IL4R: variants seen among roughly 807,000 people sequenced by gnomAD.
The protein encoded by IL4R is interleukin-4 receptor subunit alpha.
A neutral mutation model predicts 41.5 loss-of-function variants in IL4R; 17 were observed. That is an observed-to-expected ratio of 0.41 (90% CI 0.28 to 0.61). The LOEUF is 0.61. Ranked by LOEUF, IL4R falls within the 20% of genes least tolerant of loss-of-function variation. The probability of loss-of-function intolerance (pLI) is 0.31; values close to 1 mark genes in which losing one functional copy is unlikely to be tolerated. For synonymous variants in IL4R, 402 were observed against 422.9 expected (o/e 0.95, Z 0.61); for missense variants, 974 against 1,043.1 (o/e 0.93, Z 0.91).
At position 27,342,116 on chromosome 16, in the gene IL4R, C is replaced by G. The variant is rs1331143806; in HGVS notation, c.71-5C>G. 3.1e-6 allele frequency: 5 copies of G among 1,613,810 alleles called. No individual in the cohort carries two copies. In the East Asian group the frequency reaches 8.9e-5, roughly 29 times the overall value. On this transcript the variant is annotated splice_polypyrimidine_tract_variant and splice_region_variant and intron_variant, in intron 3 of 10. Transcript: ENST00000395762. Reference sequence around the variant, plus strand: ...GCCGCTCAGGCTGCTCCTGTGTCTCCCCAGGGAACATGAAGGTCTTGCAGG... The same window carrying G: ...GCCGCTCAGGCTGCTCCTGTGTCTCGCCAGGGAACATGAAGGTCTTGCAGG...
intron 6 of IL4R, among the ~76,000 whole-genome samples, 191 bp from the exon 7 acceptor site, chr16:27,352,349 C>T (rs969539619): frequency 2.6e-5 from 4 of 152,170 alleles, no homozygotes; most frequent in African/African-American, 4.8e-5. Flanking sequence ...AGTCGAGGAG[C>T]CTGACGCATG....
In IL4R at chr16:27,362,803, G is replaced by T. The variant is rs759668631; in HGVS notation, c.1451G>T (p.Cys484Phe). The change falls in exon 11 of 11, where the codon TGC becomes TTC. Residue 484 changes from cysteine to phenylalanine, a missense_variant. Physicochemically the swap from Cys to Phe is radical, Grantham distance 205. Coordinates refer to ENST00000395762, the MANE Select transcript of IL4R (RefSeq NM_000418.4). The stretch of plus-strand genomic sequence containing the variant: ...ACCCAGAGTCCAGACAACCTGACTT[G>T]CACAGAGACGCCCCTCGTCATCGCA... ...SPTQSPDNLT[C>F]TETPLVIAGN... 6.2e-6 allele frequency: 10 copies of T among 1,614,038 alleles called. No homozygotes were observed. The African/African-American group carries it at 1.2e-4, about 19-fold the overall frequency.
chr16:27,342,292 G>C, intron 4 of IL4R, 33 bp downstream of exon 4: 2 of 1,613,384 alleles, frequency 1.2e-6, no homozygotes, highest in Non-Finnish European at 1.7e-6. Flanking sequence ...GGTTTGGGGA[G>C]GTTGTGCCCA....
chr16:27,357,566 C>T (rs1048582424), intron 8 of IL4R, among the ~76,000 whole-genome samples: 7 of 152,098 alleles, frequency 4.6e-5, no homozygotes, highest in Admixed American at 4.6e-4. Context: ...CGGGTTCAAG[C>T]GATTCTCCTG....
At chr16:27,326,997 C>A (rs1406519677) in intron 1 of IL4R, among the ~76,000 whole-genome samples, 1 of 152,170 alleles carries the variant, frequency 6.6e-6, no homozygotes, top group Admixed American at 6.5e-5. Flanking sequence ...TTCCTGCCAG[C>A]CCAGCCCAGC....
At chr16:27,353,691 G>T (rs1044364484) in intron 7 of IL4R, among the ~76,000 whole-genome samples, 1 of 151,804 alleles carries the variant, frequency 6.6e-6, no homozygotes, top group African/African-American at 2.4e-5. Flanking sequence ...TAGAGACAGG[G>T]TATCACTATG....
chr16:27,332,508 G>T (rs1444224488), intron 2 of IL4R, among the ~76,000 whole-genome samples: 1 of 152,082 alleles, frequency 6.6e-6, no homozygotes, highest in East Asian at 1.9e-4. Context: ...TGAGATTTGG[G>T]TGGGGACACA....
At chr16:27,360,111 T>A (rs1161172871) in intron 9 of IL4R, among the ~76,000 whole-genome samples, 2 of 151,692 alleles carry the variant, frequency 1.3e-5, no homozygotes, top group Non-Finnish European at 2.9e-5. Context: ...GCTTCCTGGG[T>A]TCAAGCAATT....
chr16:27,323,640 G>A (rs752097743), intron 1 of IL4R, among the ~76,000 whole-genome samples: 2 of 151,986 alleles, frequency 1.3e-5, no homozygotes, highest in African/African-American at 2.4e-5. Context: ...TTAAGTGAGT[G>A]AGTGAGGCTC....
chr16:27,349,959 C>T (rs182461190), intron 6 of IL4R, among the ~76,000 whole-genome samples: 9 of 152,310 alleles, frequency 5.9e-5, no homozygotes, highest in Non-Finnish European at 1.2e-4. Context: ...CCATGTTGTC[C>T]GGGCTGGTCT....
chr16:27,331,939 C>T (rs1020646173), intron 2 of IL4R, among the ~76,000 whole-genome samples: 6 of 151,642 alleles, frequency 4.0e-5, no homozygotes, highest in Admixed American at 6.6e-5. Context: ...AATTAACTCC[C>T]GAATCATTAT....
At position 27,363,866 on chromosome 16, in the gene IL4R, G is replaced by A. The variant is rs2086406002; in HGVS notation, c.*36G>A. The stretch of plus-strand genomic sequence containing the variant: ...TCTTGTTGCTGAGTCTGCAGATGAG[G>A]ACTAGGGCTTATCCATGCCTGGGAA... On this transcript the variant is annotated 3_prime_UTR_variant, in exon 11 of 11. Coordinates refer to ENST00000395762, the MANE Select transcript of IL4R (RefSeq NM_000418.4). 6.4e-7 allele frequency: 1 copy of A among 1,564,718 alleles called. No individual in the cohort carries two copies. Among genetic ancestry groups the A allele is most frequent in the African/African-American group, 1.4e-5 (1 of 73,982 alleles).
rs529134148 is a variant in IL4R at position 27,328,640 on chromosome 16, G to A, written c.-151-1426G>A. 1.2e-3 allele frequency among the ~76,000 whole-genome samples: 179 copies of A among 152,326 alleles called. 1 individual carries two copies. Among genetic ancestry groups the A allele is most frequent in the South Asian group, 8.1e-3 (39 of 4,832 alleles). On this transcript the variant is annotated intron_variant, in intron 1 of 10. Transcript: ENST00000395762. Reference sequence around the variant, plus strand: ...TGTTTCAGGCACTGGGGATAAAGCAGTGAGCACAGCAGACATAAAGCTCTG... The same window carrying A: ...TGTTTCAGGCACTGGGGATAAAGCAATGAGCACAGCAGACATAAAGCTCTG...
At chr16:27,317,667 G>C (rs1483885580) in intron 1 of IL4R, among the ~76,000 whole-genome samples, 1 of 152,206 alleles carries the variant, frequency 6.6e-6, no homozygotes, top group African/African-American at 2.4e-5. Flanking sequence ...GCTTAAGGCA[G>C]AGAGAAGGGC....
chr16:27,346,513 C>A lies in IL4R; in HGVS notation c.408C>A (p.Ser136=). 6.2e-7 allele frequency: 1 copy of A among 1,614,134 alleles called. No individual in the cohort carries two copies. The highest frequency in any genetic ancestry group is 8.5e-7 in the Non-Finnish European group (1 of 1,180,024). ...ACCTGACAGTTCACACCAATGTCTCCGACACTCTGCTGCTGACCTGGAGCA... is the reference window on the plus strand; with the variant it reads ...ACCTGACAGTTCACACCAATGTCTCAGACACTCTGCTGCTGACCTGGAGCA... ...PGNLTVHTNV[S]DTLLLTWSNP... Residue 136 remains serine (S), a synonymous_variant, in exon 6 of 11, where the codon TCC becomes TCA. Coordinates refer to ENST00000395762, the MANE Select transcript of IL4R (RefSeq NM_000418.4).
rs2086375774 is a variant in IL4R at position 27,363,385 on chromosome 16, T to C, written c.2033T>C (p.Leu678Pro). The C allele has an allele frequency of 1.2e-6, 2 of 1,613,984 alleles. No individual in the cohort carries two copies. Among genetic ancestry groups the C allele is most frequent in the African/African-American group, 2.7e-5 (2 of 74,914 alleles). The change falls in exon 11 of 11, where the codon CTG becomes CCG. Residue 678 changes from leucine (L) to proline (P), a missense_variant. Around this residue, in one of 3 missense-constraint regions of IL4R, gnomAD observed 682 missense variants for 704.3 expected, o/e 0.97. Coordinates refer to ENST00000395762, the MANE Select transcript of IL4R (RefSeq NM_000418.4). ...SHLPSSSPEH[L>P]GLEPGEKVED... ...CTCCCAAGCAGCTCCCCAGAGCACCTGGGTCTGGAGCCGGGGGAAAAGGTA... is the reference window on the plus strand; with the variant it reads ...CTCCCAAGCAGCTCCCCAGAGCACCCGGGTCTGGAGCCGGGGGAAAAGGTA...
chr16:27,347,311 C>T (rs2085685510), intron 6 of IL4R, among the ~76,000 whole-genome samples: 2 of 152,190 alleles, frequency 1.3e-5, no homozygotes, highest in Admixed American at 1.3e-4. Flanking sequence ...CTGCCTCAGC[C>T]TCCTGAGCAG....
chr16:27,360,755 C>T lies in IL4R; in HGVS notation c.850-11C>T. 1 of 1,614,124 alleles carries T rather than the reference C, an allele frequency of 6.2e-7. No individual in the cohort carries two copies. Among genetic ancestry groups the T allele is most frequent in the East Asian group, 2.2e-5 (1 of 44,882 alleles). ...CACTCTGCTCTTTCATTGGCTGTCT[C>T]TGTATTTTAGGGGTCACAGTGGGAG... On this transcript the variant is annotated splice_polypyrimidine_tract_variant and intron_variant, in intron 9 of 10. Transcript: ENST00000395762.
chr16:27,324,102 G>T (rs571780753), intron 1 of IL4R, among the ~76,000 whole-genome samples: 5 of 152,322 alleles, frequency 3.3e-5, no homozygotes, highest in East Asian at 1.9e-4. Context: ...GAGGGGACAC[G>T]TGGCCAGTCA....
Sources: gnomAD v4.1 joint callset for allele counts (sites outside exome capture counted in the v4.1 genomes callset) on GRCh38, gnomAD v4.1.1 for gene constraint, gnomAD v4.1.1 regional missense constraint, MANE v1.5 for transcripts, NCBI Gene and HGNC (gene_info 2026-07-23, HGNC 2026-07-21) for gene names.